ATXN8OS: variants seen among roughly 807,000 people sequenced by gnomAD.
ATXN8OS encodes the protein ATXN8 opposite strand lncRNA, also known as ATXN8 opposite strand (non-protein coding).
intron 4 of ATXN8OS, among the ~76,000 whole-genome samples, chr13:70,159,635 T>G (rs1200769850): frequency 6.6e-6 from 1 of 152,146 alleles, no homozygotes; most frequent in East Asian, 1.9e-4. Flanking sequence ...ACCACCACAA[T>G]CAGAATACAG....
chr13:70,119,327 A>G (rs1308434591), intron 2 of ATXN8OS, among the ~76,000 whole-genome samples: 1 of 152,100 alleles, frequency 6.6e-6, no homozygotes, highest in Admixed American at 6.6e-5. Context: ...AACAAGAGAG[A>G]ATTTTACAGG....
intron 1 of ATXN8OS, among the ~76,000 whole-genome samples, chr13:70,114,761 T>C (rs1253107614): frequency 2.0e-5 from 3 of 152,174 alleles, no homozygotes; most frequent in African/African-American, 7.2e-5. Context: ...TTGATACAAA[T>C]CTTATTTAGG....
Position 70,144,439 on chromosome 13 carries a change from G to A in ATXN8OS, n.500-2916G>A, listed in dbSNP as rs113858084. 2.0e-5 allele frequency among the ~76,000 whole-genome samples: 3 copies of A among 152,132 alleles called. No individual in the cohort carries two copies. The East Asian group carries it at 5.8e-4, about 29-fold the overall frequency. The stretch of plus-strand genomic sequence containing the variant: ...TTTTCTTATTTTTATTTTCTGAATA[G>A]AAGTTGCAAAGTGTCTATTCATTTT... On this transcript the variant is annotated intron_variant and non_coding_transcript_variant, in intron 3 of 4. Coordinates refer to ENST00000678624, the Ensembl canonical transcript of ATXN8OS.
chr13:70,108,046 C>A (rs1191354793), intron 1 of ATXN8OS: 1 of 421,982 alleles, frequency 2.4e-6, no homozygotes. Context: ...GCTGGAGATG[C>A]GCGAGGGAGG....
chr13:70,140,717 G>T (rs1888702745), intron 3 of ATXN8OS, among the ~76,000 whole-genome samples: 1 of 151,870 alleles, frequency 6.6e-6, no homozygotes, highest in African/African-American at 2.4e-5. Context: ...GTTTTTCTAT[G>T]CATGTGGTGA....
intron 3 of ATXN8OS, among the ~76,000 whole-genome samples, chr13:70,146,754 G>A (rs905422924): frequency 2.0e-5 from 3 of 147,706 alleles, no homozygotes; most frequent in African/African-American, 7.5e-5. Context: ...TCACACTCTG[G>A]GAACTGTTGT....
chr13:70,124,574 A>G (rs1463392924), intron 2 of ATXN8OS, among the ~76,000 whole-genome samples: 3 of 152,118 alleles, frequency 2.0e-5, no homozygotes, highest in Non-Finnish European at 4.4e-5. Context: ...TTAGAAAAAC[A>G]ATAAAAGGGA....
chr13:70,144,180 C>T (rs564724403), intron 3 of ATXN8OS, among the ~76,000 whole-genome samples: 1 of 152,104 alleles, frequency 6.6e-6, no homozygotes, highest in Non-Finnish European at 1.5e-5. Flanking sequence ...CTTTCACATT[C>T]TTCATCCCAT....
At chr13:70,156,533 T>C (rs1033647818) in intron 4 of ATXN8OS, among the ~76,000 whole-genome samples, 3 of 152,158 alleles carry the variant, frequency 2.0e-5, no homozygotes, top group African/African-American at 7.2e-5. Flanking sequence ...TGTATTTATA[T>C]ATTTTCTGAG....
rs1272281155 is a variant in ATXN8OS at position 70,148,458 on chromosome 13, G to C, written n.573+1030G>C. Among the ~76,000 whole-genome samples the C allele has an allele frequency of 2.6e-5, 4 of 152,152 alleles. No individual in the cohort carries two copies. In the East Asian group the frequency reaches 7.7e-4, roughly 29 times the overall value. Reference sequence around the variant, plus strand: ...TTTTGTTGAAACTCCAAAAGAGAAAGGATATGAGGCATGTTCAACACCACC... The same window carrying C: ...TTTTGTTGAAACTCCAAAAGAGAAACGATATGAGGCATGTTCAACACCACC... On this transcript the variant is annotated intron_variant and non_coding_transcript_variant, in intron 4 of 4. Coordinates refer to ENST00000678624, the Ensembl canonical transcript of ATXN8OS.
At chr13:70,122,397 G>A (rs1179139810) in intron 2 of ATXN8OS, among the ~76,000 whole-genome samples, 1 of 151,908 alleles carries the variant, frequency 6.6e-6, no homozygotes, top group African/African-American at 2.4e-5. Flanking sequence ...TAACTTGAGA[G>A]TTATACAGCT....
intron 3 of ATXN8OS, chr13:70,130,550 T>C: frequency 2.5e-6 from 1 of 396,278 alleles, no homozygotes; most frequent in Non-Finnish European, 4.4e-6. Context: ...GGGAAGTATT[T>C]TAAAACAAAA....
chr13:70,156,311 T>C (rs912163692), intron 4 of ATXN8OS, among the ~76,000 whole-genome samples: 12 of 152,036 alleles, frequency 7.9e-5, no homozygotes, highest in African/African-American at 2.9e-4. Context: ...ATTATTCTGT[T>C]CTGTGTTTCA....
chr13:70,133,761 G>C (rs1321699145), intron 3 of ATXN8OS, among the ~76,000 whole-genome samples: 1 of 152,102 alleles, frequency 6.6e-6, no homozygotes, highest in Non-Finnish European at 1.5e-5. Flanking sequence ...TCAGGGAGAT[G>C]CTCCCCTACA....
rs34936703 is a variant in ATXN8OS at position 70,155,772 on chromosome 13, AT to A, written n.573+8355del. On this transcript the variant is annotated intron_variant and non_coding_transcript_variant, in intron 4 of 4. Coordinates refer to ENST00000678624, the Ensembl canonical transcript of ATXN8OS. ...ATCTGAGGATACTTTACAATATTCC[AT>A]TTTTTTTTTTGCCAAAACTGAGACA... Among the ~76,000 whole-genome samples the A allele has an allele frequency of 6.0e-3, 863 of 143,210 alleles. 5 individuals are homozygous for A. The highest frequency in any genetic ancestry group is 0.041 in the East Asian group (203 of 4,970). 94.0% of individuals were successfully genotyped at this position (143,210 alleles called of 152,430 possible).
intron 1 of ATXN8OS, chr13:70,115,038 G>A (rs1888253936): frequency 7.6e-6 from 3 of 394,434 alleles, no homozygotes; most frequent in Middle Eastern, 6.3e-4. Flanking sequence ...GTGTGTGTGT[G>A]TGTGTGTGTG....
At chr13:70,167,505 T>A (rs149728912) in intron 4 of ATXN8OS, among the ~76,000 whole-genome samples, 2,694 of 151,920 alleles carry the variant, frequency 0.018, 80 homozygotes, top group African/African-American at 0.062. Context: ...CTCTGGGGAC[T>A]GTTGTGGTGT....
exon 5 of ATXN8OS, among the ~76,000 whole-genome samples, chr13:70,170,269 G>A (rs1889129875): frequency 6.6e-6 from 1 of 152,068 alleles, no homozygotes. Flanking sequence ...ACATATGAAT[G>A]AGTTTATATA....
chr13:70,129,387 G>A (rs1426578595), intron 2 of ATXN8OS, among the ~76,000 whole-genome samples: 1 of 151,770 alleles, frequency 6.6e-6, no homozygotes, highest in Non-Finnish European at 1.5e-5. Context: ...GTGTGTGTGT[G>A]TGTGTGTGTG....
Sources: allele counts gnomAD v4.1 joint callset (sites outside exome capture counted in the v4.1 genomes callset), GRCh38; gene constraint gnomAD v4.1.1; transcripts MANE v1.5; gene names NCBI Gene and HGNC (gene_info 2026-07-23, HGNC 2026-07-21).